Variants in ZER1 observed in about 807,000 individuals in gnomAD.
ZER1 encodes protein zer-1 homolog.
Under a neutral mutation model 78.8 loss-of-function variants are expected in ZER1, and 11 were observed. The ratio of observed to expected loss-of-function variants is 0.14; its 90% confidence interval spans 0.09 to 0.23. The LOEUF (loss-of-function observed/expected upper bound fraction) is 0.23, where lower values mean the gene tolerates loss of function less well. Among genes scored for constraint, ZER1 ranks in the 10% least tolerant of loss-of-function variants. The pLI is 1.00. For synonymous variants in ZER1, 400 were observed against 407.0 expected (o/e 0.98, Z 0.21); for missense variants, 588 against 996.9 (o/e 0.59, Z 5.52).
intron 1 of ZER1, among the ~76,000 whole-genome samples, chr9:128,764,995 G>A (rs1309767455): frequency 6.6e-6 from 1 of 152,156 alleles, no homozygotes; most frequent in Non-Finnish European, 1.5e-5. Flanking sequence ...GCCATACCAC[G>A]TCCATGTTGG....
In ZER1 at chr9:128,731,360, C is replaced by T. The variant is rs985524715; in HGVS notation, c.2278G>A (p.Glu760Lys). The change falls in exon 16 of 16, where the codon GAG becomes AAG. Residue 760 changes from glutamate to lysine, a missense_variant. Transcript: ENST00000291900. Reference protein sequence around the residue: ...VIEHCSNFKEENMDTSR With the variant: ...VIEHCSNFKEKNMDTSR ...CTCTATCTAGACGTGTCCATGTTCT[C>T]CTCTTTAAAGTTACTGCAGTGCTCA... 3.7e-6 allele frequency: 6 copies of T among 1,610,484 alleles called. No homozygotes were observed. The highest frequency in any genetic ancestry group is 5.1e-6 in the Non-Finnish European group (6 of 1,178,074).
chr9:128,758,877 G>A (rs1476165577), intron 1 of ZER1, among the ~76,000 whole-genome samples: 1 of 152,194 alleles, frequency 6.6e-6, no homozygotes, highest in Non-Finnish European at 1.5e-5. Context: ...GTGATTGGAA[G>A]GGAGTTTCTG....
Position 128,753,696 on chromosome 9 carries a change from T to G in ZER1, c.310-96A>C. ...GCTACAGGTGGGTTGGAAAGGGGGATGTGCACAGTCACGGTGCACACTGGC... is the reference window on the plus strand; with the variant it reads ...GCTACAGGTGGGTTGGAAAGGGGGAGGTGCACAGTCACGGTGCACACTGGC... On this transcript the variant is annotated intron_variant, in intron 3 of 15. Transcript: ENST00000291900. The surrounding 1 kb of genome is among the most constrained non-coding windows in gnomAD (Gnocchi z 7.5). 2 of 1,563,084 alleles carry G rather than the reference T, an allele frequency of 1.3e-6. No individual in the cohort carries two copies. The highest frequency in any genetic ancestry group is 1.7e-6 in the Non-Finnish European group (2 of 1,154,976).
At chr9:128,752,589 G>A in intron 5 of ZER1, 84 bp downstream of exon 5, 1 of 1,428,130 alleles carries the variant, frequency 7.0e-7, no homozygotes, top group Non-Finnish European at 9.3e-7. Context: ...CCAAAGTGCT[G>A]GGATTACAGG....
rs1395857893 is a variant in ZER1 at position 128,740,895 on chromosome 9, A to G, written c.1738-8T>C. The G allele has an allele frequency of 3.8e-6, 3 of 780,640 alleles. No homozygotes were observed. The highest frequency in any genetic ancestry group is 1.3e-5 in the South Asian group (1 of 74,590). The allele number at this position is 780,640 out of a possible 1,614,324, so 48.4% of individuals were successfully genotyped here. On this transcript the variant is annotated splice_region_variant and splice_polypyrimidine_tract_variant and intron_variant, in intron 11 of 15. Coordinates refer to ENST00000291900, the MANE Select transcript of ZER1 (RefSeq NM_006336.4). The surrounding 1 kb of genome is among the most constrained non-coding windows in gnomAD (Gnocchi z 4.4). ...CTGCTTCTCTGGGAATTCCTGGGAA[A>G]AGGAGAGCCAATGGGCCGCATCAAT...
At chr9:128,750,838 T>C in intron 7 of ZER1, 49 bp from the exon 8 acceptor site, 1 of 1,608,306 alleles carries the variant, frequency 6.2e-7, no homozygotes, top group Non-Finnish European at 8.5e-7. Context: ...GGGAGAGGCC[T>C]GGGCTCTGCA....
chr9:128,758,903 C>T (rs1316535845), intron 1 of ZER1, among the ~76,000 whole-genome samples: 2 of 152,118 alleles, frequency 1.3e-5, no homozygotes, highest in East Asian at 3.8e-4. Context: ...TGAGGAGCTT[C>T]TAGTCTCCTT....
chr9:128,758,069 T>G (rs1863917353), intron 1 of ZER1, among the ~76,000 whole-genome samples: 1 of 151,986 alleles, frequency 6.6e-6, no homozygotes, highest in African/African-American at 2.4e-5. Context: ...AAACTCCTGT[T>G]AACAGCTTGG....
At position 128,734,140 on chromosome 9, in the gene ZER1, A is replaced by ATATATATATATAT. The variant is rs1428641240; in HGVS notation, c.2141-613_2141-612insATATATATATATA. ...AAAACTCCGTCTCAAAAAAAAAAAA[A>ATATATATATATAT]AAAAATATATATATATATATATAAA... is the stretch of plus-strand genomic sequence containing the variant. On this transcript the variant is annotated intron_variant, in intron 14 of 15. Coordinates refer to ENST00000291900, the MANE Select transcript of ZER1 (RefSeq NM_006336.4). 1.7e-4 allele frequency among the ~76,000 whole-genome samples: 3 copies of ATATATATATATAT among 17,316 alleles called. 1 individual carries two copies. Among genetic ancestry groups the ATATATATATATAT allele is most frequent in the Admixed American group, 1.1e-3 (1 of 922 alleles). The allele number at this position is 17,316 out of a possible 152,430, so 11.4% of individuals were successfully genotyped here.
In ZER1 at chr9:128,741,493, T is replaced by C. The variant is rs566669162; in HGVS notation, c.1737+42A>G. 681 of 1,613,716 alleles carry C rather than the reference T, an allele frequency of 4.2e-4. 12 individuals are homozygous for C. In the South Asian group the frequency reaches 7.1e-3, roughly 17 times the overall value. On this transcript the variant is annotated intron_variant, in intron 11 of 15. Coordinates refer to ENST00000291900, the MANE Select transcript of ZER1 (RefSeq NM_006336.4). ...GCCTAGGGACAGAAGAGGGGCCATGTGGGCAGCTGAGGCAGCTGCTGCTGC... is the reference window on the plus strand; with the variant it reads ...GCCTAGGGACAGAAGAGGGGCCATGCGGGCAGCTGAGGCAGCTGCTGCTGC...
intron 13 of ZER1, among the ~76,000 whole-genome samples, 170 bp downstream of exon 13, chr9:128,739,761 T>C (rs1478174341): frequency 6.6e-6 from 1 of 152,098 alleles, no homozygotes; most frequent in Non-Finnish European, 1.5e-5. Flanking sequence ...GATCGTGCCC[T>C]TATGTATGCT....
intron 1 of ZER1, among the ~76,000 whole-genome samples, chr9:128,770,563 C>G (rs1449954861): frequency 2.6e-5 from 4 of 152,186 alleles, no homozygotes; most frequent in Non-Finnish European, 5.9e-5. Flanking sequence ...TCCCTGAACA[C>G]CCTCTATAAA....
chr9:128,763,660 C>A (rs574386205), intron 1 of ZER1, among the ~76,000 whole-genome samples: 35 of 152,268 alleles, frequency 2.3e-4, no homozygotes, highest in Non-Finnish European at 3.5e-4. Flanking sequence ...GGGGACTTGC[C>A]CTGGACTGGG....
chr9:128,763,728 C>T (rs943960564), intron 1 of ZER1, among the ~76,000 whole-genome samples: 1 of 152,210 alleles, frequency 6.6e-6, no homozygotes, highest in African/African-American at 2.4e-5. Context: ...TGGCTCACAC[C>T]TGTAATCCCA....
chr9:128,756,065 A>G (rs1863848527), intron 1 of ZER1, among the ~76,000 whole-genome samples: 3 of 152,218 alleles, frequency 2.0e-5, no homozygotes, highest in Admixed American at 2.0e-4. Flanking sequence ...GGCTTAATAG[A>G]CATATAGACA....
rs964073651 is a variant in ZER1, at chr9:128,740,999, G to A, written c.1738-112C>T. On this transcript the variant is annotated intron_variant, in intron 11 of 15. Transcript: ENST00000291900. This position sits in a 1 kb window ranked among gnomAD's most constrained non-coding sequence, Gnocchi z 4.4. ...TCTGGCCATGCCAACTAGACAAAGA[G>A]GGGGCATATATGCTGCCCTCCTACC... The A allele has an allele frequency of 1.5e-6, 1 of 679,962 alleles. No homozygotes were observed. The highest frequency in any genetic ancestry group is 2.7e-6 in the Non-Finnish European group (1 of 368,722). 42.1% of individuals were successfully genotyped at this position (679,962 alleles called of 1,614,324 possible).
intron 8 of ZER1, among the ~76,000 whole-genome samples, chr9:128,745,399 T>C (rs1309399453): frequency 6.6e-6 from 1 of 151,998 alleles, no homozygotes; most frequent in Non-Finnish European, 1.5e-5. Context: ...TTTACTCTTA[T>C]CACCCAGGCT....
At chr9:128,750,845 T>A in intron 7 of ZER1, 56 bp from the exon 8 acceptor site, 1 of 1,602,610 alleles carries the variant, frequency 6.2e-7, no homozygotes, top group Non-Finnish European at 8.5e-7. Flanking sequence ...GCCTGGGCTC[T>A]GCAAGGGGCT....
rs1056138906 is a variant in ZER1 at position 128,751,830 on chromosome 9, GA to G, written c.924-304del. Among the ~76,000 whole-genome samples, 4 of 152,202 alleles carry G rather than the reference GA, an allele frequency of 2.6e-5. No homozygotes were observed. Among genetic ancestry groups the G allele is most frequent in the African/African-American group, 9.7e-5 (4 of 41,448 alleles). ...CAATCACAAAGGGACAAGCTCAACTGAACACCATTAAAGCAGGCTGGGGCCA... is the reference window on the plus strand; with the variant it reads ...CAATCACAAAGGGACAAGCTCAACTGACACCATTAAAGCAGGCTGGGGCCA... On this transcript the variant is annotated intron_variant, in intron 5 of 15. Coordinates refer to ENST00000291900, the MANE Select transcript of ZER1 (RefSeq NM_006336.4). This position sits in a 1 kb window ranked among gnomAD's most constrained non-coding sequence, Gnocchi z 5.4.
Sources: gnomAD v4.1 joint callset for allele counts (sites outside exome capture counted in the v4.1 genomes callset) on GRCh38, gnomAD v4.1.1 for gene constraint, Gnocchi (gnomAD v3.1) non-coding constraint, MANE v1.5 for transcripts, NCBI Gene and HGNC (gene_info 2026-07-23, HGNC 2026-07-21) for gene names.